The following NRG3 variants were observed in gnomAD, a reference collection of about 807,000 sequenced individuals.
NRG3 encodes neuregulin 3.
NRG3 carries 31 observed loss-of-function variants against 66.9 expected under a neutral mutation model. That is an observed-to-expected ratio of 0.46 (90% CI 0.35 to 0.63). NRG3 has a LOEUF of 0.63. Ranked by LOEUF, NRG3 falls within the 20% of genes least tolerant of loss-of-function variation. NRG3 has a pLI of 0.00. For missense variants in NRG3, 910 were observed against 878.9 expected (o/e 1.04, Z -0.45); for synonymous variants, 393 against 359.4 (o/e 1.09, Z -1.06).
At chr10:82,671,423 C>T (rs6584870) in intron 2 of NRG3, among the ~76,000 whole-genome samples, 64,341 of 152,028 alleles carry the variant, frequency 0.42, 14,552 homozygotes, top group Non-Finnish European at 0.51. Context: ...TTTGACTCCC[C>T]GTTAAGGAGC....
At chr10:82,750,939 A>G (rs1165009010) in intron 3 of NRG3, among the ~76,000 whole-genome samples, 1 of 152,188 alleles carries the variant, frequency 6.6e-6, no homozygotes, top group Admixed American at 6.6e-5. Flanking sequence ...ATATGTCAAA[A>G]GATGGATGCA....
At chr10:82,235,838 G>A (rs1006045586) in intron 1 of NRG3, among the ~76,000 whole-genome samples, 1 of 152,196 alleles carries the variant, frequency 6.6e-6, no homozygotes, top group African/African-American at 2.4e-5. Flanking sequence ...TCACTTGGTA[G>A]ACGTTTTATC....
chr10:82,318,461 C>T (rs3908834), intron 1 of NRG3, among the ~76,000 whole-genome samples: 23,087 of 152,190 alleles, frequency 0.15, 1,880 homozygotes, highest in East Asian at 0.26. Context: ...TTCTTAGTCA[C>T]ATCCCGTGAT....
chr10:82,909,750 C>CA (rs1845137741), intron 4 of NRG3, among the ~76,000 whole-genome samples: 1 of 151,984 alleles, frequency 6.6e-6, no homozygotes, highest in Non-Finnish European at 1.5e-5. Context: ...TTGAAAATGT[C>CA]AAAAAAGCCT....
chr10:82,253,501 T>C (rs2077579089), intron 1 of NRG3, among the ~76,000 whole-genome samples: 1 of 152,122 alleles, frequency 6.6e-6, no homozygotes. Flanking sequence ...TCGAGCTCAC[T>C]CTCCCACCTT....
chr10:82,661,966 G>A (rs570474961), intron 2 of NRG3, among the ~76,000 whole-genome samples: 1 of 152,284 alleles, frequency 6.6e-6, no homozygotes, highest in East Asian at 1.9e-4. Context: ...TCTGCTGGGG[G>A]TGGGGACCTA....
intron 2 of NRG3, among the ~76,000 whole-genome samples, chr10:82,665,753 T>G (rs970215537): frequency 6.6e-6 from 1 of 152,166 alleles, no homozygotes; most frequent in Non-Finnish European, 1.5e-5. Flanking sequence ...TGAGTGCTTA[T>G]TTCACATGAA....
At chr10:82,556,509 C>G (rs973686772) in intron 2 of NRG3, among the ~76,000 whole-genome samples, 1 of 152,100 alleles carries the variant, frequency 6.6e-6, no homozygotes, top group African/African-American at 2.4e-5. Flanking sequence ...GGCGGCAGCC[C>G]TCTTGGTAAA....
chr10:82,449,308 C>G (rs2090903506), intron 2 of NRG3, among the ~76,000 whole-genome samples: 1 of 152,142 alleles, frequency 6.6e-6, no homozygotes, highest in Non-Finnish European at 1.5e-5. Flanking sequence ...TTTTGCAAAA[C>G]ATAAAGTCAG....
chr10:82,168,206 C>G (rs534042535), intron 1 of NRG3, among the ~76,000 whole-genome samples: 5 of 152,154 alleles, frequency 3.3e-5, no homozygotes, highest in Non-Finnish European at 7.4e-5. Context: ...CATGTAGGAT[C>G]GTTCCCCTAA....
chr10:82,163,898 A>G (rs2071809684), intron 1 of NRG3, among the ~76,000 whole-genome samples: 1 of 151,448 alleles, frequency 6.6e-6, no homozygotes, highest in African/African-American at 2.4e-5. Flanking sequence ...GATAGGGTCT[A>G]TAGGTTTTTG....
chr10:82,696,307 A>C (rs1020452251), intron 2 of NRG3, among the ~76,000 whole-genome samples: 3 of 152,106 alleles, frequency 2.0e-5, no homozygotes, highest in Non-Finnish European at 4.4e-5. Flanking sequence ...TATACCATTC[A>C]TTGACAAATT....
intron 1 of NRG3, among the ~76,000 whole-genome samples, chr10:82,005,897 T>TG (rs2061361174): frequency 6.7e-6 from 1 of 148,730 alleles, no homozygotes; most frequent in Non-Finnish European, 1.5e-5. Context: ...AATGTGTATT[T>TG]TGTGTGTGTG....
chr10:82,084,576 T>G (rs992883440), intron 1 of NRG3, among the ~76,000 whole-genome samples: 1 of 151,958 alleles, frequency 6.6e-6, no homozygotes, highest in Non-Finnish European at 1.5e-5. Flanking sequence ...ATGCTTCTGT[T>G]GCACTATTTC....
At chr10:82,783,573 A>T (rs1182503490) in intron 3 of NRG3, among the ~76,000 whole-genome samples, 3 of 152,218 alleles carry the variant, frequency 2.0e-5, no homozygotes. Context: ...ACAGGCAAAC[A>T]GAGAGCCAAA....
intron 3 of NRG3, among the ~76,000 whole-genome samples, chr10:82,798,952 C>T (rs1017402359): frequency 1.3e-5 from 2 of 152,076 alleles, no homozygotes; most frequent in African/African-American, 4.8e-5. Context: ...CACACAGAGG[C>T]TCTGCAGGTG....
chr10:82,583,602 T>G (rs1055531280), intron 2 of NRG3, among the ~76,000 whole-genome samples: 1 of 152,202 alleles, frequency 6.6e-6, no homozygotes, highest in African/African-American at 2.4e-5. Context: ...AAAACCTTCA[T>G]GTTTTACAAG....
chr10:82,312,192 G>A (rs115410438), intron 1 of NRG3, among the ~76,000 whole-genome samples: 4 of 152,240 alleles, frequency 2.6e-5, no homozygotes, highest in Admixed American at 6.6e-5. Context: ...TTAACAGAGG[G>A]CATCTCACAC....
chr10:82,664,909 A>T (rs1276030068), intron 2 of NRG3, among the ~76,000 whole-genome samples: 3 of 152,150 alleles, frequency 2.0e-5, no homozygotes, highest in Non-Finnish European at 2.9e-5. Context: ...CAGGTCTCTC[A>T]TTCTAATTTT....
Sources: gnomAD v4.1 joint callset for allele counts (sites outside exome capture counted in the v4.1 genomes callset) on GRCh38, gnomAD v4.1.1 for gene constraint, MANE v1.5 for transcripts, NCBI Gene and HGNC (gene_info 2026-07-23, HGNC 2026-07-21) for gene names.